The following PBX3 variants were observed in gnomAD, a reference collection of about 807,000 sequenced individuals.
PBX3 encodes PBX homeobox 3.
Under a neutral mutation model 48.5 loss-of-function variants are expected in PBX3, and 14 were observed. The observed-to-expected ratio is 0.29, with a 90% CI of 0.19 to 0.45. The LOEUF is 0.45. PBX3 is among the 20% of genes least tolerant of loss of function. The pLI is 1.00. For missense variants in PBX3, 386 were observed against 546.7 expected, an observed-to-expected ratio of 0.71 and a Z score of 2.93; for synonymous variants, 210 against 200.3, an observed-to-expected ratio of 1.05 and a Z score of -0.41.
intron 2 of PBX3, among the ~76,000 whole-genome samples, chr9:125,899,765 G>A (rs10987013): frequency 0.02 from 3,014 of 151,614 alleles, 168 homozygotes; most frequent in East Asian, 0.17. Flanking sequence ...TTGAATTTTG[G>A]TACATCTTAA....
chr9:125,876,021 G>T (rs749253786), intron 2 of PBX3, among the ~76,000 whole-genome samples: 2 of 152,040 alleles, frequency 1.3e-5, no homozygotes, highest in Non-Finnish European at 1.5e-5. Flanking sequence ...CTTTCCTTAA[G>T]GACAATTCAT....
At chr9:125,904,604 T>C (rs538415144) in intron 2 of PBX3, among the ~76,000 whole-genome samples, 1 of 151,914 alleles carries the variant, frequency 6.6e-6, no homozygotes, top group African/African-American at 2.4e-5. Flanking sequence ...TTTATTGCTC[T>C]CCGACTTCCA....
At chr9:125,777,952 T>C (rs899295033) in intron 2 of PBX3, among the ~76,000 whole-genome samples, 1 of 150,838 alleles carries the variant, frequency 6.6e-6, no homozygotes, top group African/African-American at 2.5e-5. Context: ...ATTTTTGTTT[T>C]CAAATCTTCT....
intron 2 of PBX3, among the ~76,000 whole-genome samples, chr9:125,760,235 A>G (rs1017170645): frequency 2.0e-5 from 3 of 152,242 alleles, no homozygotes; most frequent in Non-Finnish European, 4.4e-5. Flanking sequence ...CTCTTAAAAT[A>G]GAAAAAAAGT....
At chr9:125,878,049 A>G (rs1564152545) in intron 2 of PBX3, among the ~76,000 whole-genome samples, 1 of 152,198 alleles carries the variant, frequency 6.6e-6, no homozygotes, top group Non-Finnish European at 1.5e-5. Context: ...AACACAAGGG[A>G]AAGTGCACAA....
chr9:125,937,396 G>C (rs1425517364), intron 5 of PBX3, among the ~76,000 whole-genome samples: 1 of 151,636 alleles, frequency 6.6e-6, no homozygotes, highest in African/African-American at 2.4e-5. Flanking sequence ...TATTTCACTT[G>C]TTTTCTATGG....
At chr9:125,813,893 G>A (rs1057155728) in intron 2 of PBX3, among the ~76,000 whole-genome samples, 6 of 149,654 alleles carry the variant, frequency 4.0e-5, no homozygotes, top group East Asian at 2.0e-4. Flanking sequence ...GGCCGGGCAC[G>A]GTGGCTCATA....
At chr9:125,762,326 C>A (rs1312276805) in intron 2 of PBX3, among the ~76,000 whole-genome samples, 1 of 152,116 alleles carries the variant, frequency 6.6e-6, no homozygotes. Context: ...AGTCCACCCA[C>A]TATGTGTATC....
At chr9:125,804,157 G>A (rs1838050634) in intron 2 of PBX3, among the ~76,000 whole-genome samples, 1 of 152,118 alleles carries the variant, frequency 6.6e-6, no homozygotes, top group Admixed American at 6.5e-5. Context: ...GACTAAATAG[G>A]TTATAGACTA....
At chr9:125,880,733 T>A (rs1403757320) in intron 2 of PBX3, among the ~76,000 whole-genome samples, 2 of 152,330 alleles carry the variant, frequency 1.3e-5, no homozygotes, top group African/African-American at 4.8e-5. Flanking sequence ...CGGTTATCTT[T>A]TAGAAAAAAT....
chr9:125,870,792 T>C (rs1305612759), intron 2 of PBX3, among the ~76,000 whole-genome samples: 1 of 152,208 alleles, frequency 6.6e-6, no homozygotes, highest in African/African-American at 2.4e-5. Flanking sequence ...GAATAAAATT[T>C]TGATTATCAG....
At chr9:125,748,692 C>G (rs1426166527) in intron 2 of PBX3, 69 bp downstream of exon 2, 2 of 1,189,322 alleles carry the variant, frequency 1.7e-6, no homozygotes, top group East Asian at 4.7e-5. Flanking sequence ...TCCTTCGACT[C>G]TCCAGTTGAG....
At chr9:125,931,184 TG>T (rs1176299096) in intron 4 of PBX3, among the ~76,000 whole-genome samples, 2 of 152,218 alleles carry the variant, frequency 1.3e-5, no homozygotes, top group Non-Finnish European at 1.5e-5. Flanking sequence ...ATGCATAATT[TG>T]GTCTGCTTTT....
At chr9:125,809,443 T>G (rs1370527553) in intron 2 of PBX3, among the ~76,000 whole-genome samples, 1 of 151,798 alleles carries the variant, frequency 6.6e-6, no homozygotes, top group Non-Finnish European at 1.5e-5. Flanking sequence ...TTTTTTTTTT[T>G]GCCAAATAAT....
chr9:125,827,152 A>G (rs1379479026), intron 2 of PBX3, among the ~76,000 whole-genome samples: 1 of 152,194 alleles, frequency 6.6e-6, no homozygotes, highest in Non-Finnish European at 1.5e-5. Flanking sequence ...TTTTAACCCA[A>G]TAAAATTATG....
intron 2 of PBX3, among the ~76,000 whole-genome samples, chr9:125,793,366 A>AAATATATATATATATATATATAT (rs59271982): frequency 9.8e-6 from 1 of 101,976 alleles, no homozygotes; most frequent in Non-Finnish European, 1.8e-5. Flanking sequence ...GGAAAAAAAA[A>AAATATATATATATATATATATAT]ATATATATAT....
At chr9:125,841,000 A>G (rs1256010585) in intron 2 of PBX3, among the ~76,000 whole-genome samples, 6 of 152,124 alleles carry the variant, frequency 3.9e-5, no homozygotes, top group African/African-American at 1.4e-4. Context: ...CCTAGCATCT[A>G]ACTATATTGT....
At chr9:125,887,635 A>G (rs1840532711) in intron 2 of PBX3, among the ~76,000 whole-genome samples, 2 of 152,192 alleles carry the variant, frequency 1.3e-5, no homozygotes, top group Non-Finnish European at 2.9e-5. Flanking sequence ...TCACATCAGT[A>G]TCTCAAGGGA....
Position 125,943,352 on chromosome 9 carries a change from CAAAAAAAAAAAAAAAAAAAAAAAAAAA to C in PBX3, c.843+7766_843+7792del, listed in dbSNP as rs60326557. Among the ~76,000 whole-genome samples the C allele has an allele frequency of 6.2e-4, 38 of 60,878 alleles. 1 individual carries two copies. Among genetic ancestry groups the C allele is most frequent in the East Asian group, 1.5e-3 (3 of 2,012 alleles). 39.9% of individuals were successfully genotyped at this position (60,878 alleles called of 152,430 possible). A position where few individuals can be genotyped will look rare whatever the true frequency, so the allele number is the denominator to read the frequency against. ...CTTGGGCTGCAGAGTGAGACTGTCT[CAAAAAAAAAAAAAAAAAAAAAAAAAAA>C]AAAAAAAAAAAAAAAAAAAAGAAAG... On this transcript the variant is annotated intron_variant, in intron 5 of 8. Transcript: ENST00000373489.
Sources: gnomAD v4.1 joint callset for allele counts (sites outside exome capture counted in the v4.1 genomes callset) on GRCh38, gnomAD v4.1.1 for gene constraint, MANE v1.5 for transcripts, NCBI Gene and HGNC (gene_info 2026-07-23, HGNC 2026-07-21) for gene names.